MBD5: variants seen among roughly 807,000 people sequenced by gnomAD.
The protein encoded by MBD5 is methyl-CpG-binding domain protein 5.
MBD5 carries 13 observed loss-of-function variants against 117.3 expected under a neutral mutation model. The observed-to-expected ratio is 0.11, with a 90% CI of 0.07 to 0.18. The LOEUF (loss-of-function observed/expected upper bound fraction) is 0.18. Ranked by LOEUF, MBD5 falls within the 10% of genes least tolerant of loss-of-function variation. The pLI is 1.00. For missense variants in MBD5, 1,879 were observed against 2,093.8 expected, an observed-to-expected ratio of 0.90 and a Z score of 2.00; for synonymous variants, 727 against 766.4, an observed-to-expected ratio of 0.95 and a Z score of 0.85.
chr2:148,314,827 A>G (rs1389463102), intron 3 of MBD5, among the ~76,000 whole-genome samples: 1 of 152,126 alleles, frequency 6.6e-6, no homozygotes, highest in Non-Finnish European at 1.5e-5. Context: ...CAAGTTACCA[A>G]AACAGTTGGC....
chr2:148,211,873 G>A (rs1164406683), intron 2 of MBD5, among the ~76,000 whole-genome samples: 7 of 152,142 alleles, frequency 4.6e-5, no homozygotes, highest in African/African-American at 7.2e-5. Flanking sequence ...AGCCTCCCAA[G>A]TGGCTGCACT....
Position 148,468,501 on chromosome 2 carries a change from G to T in MBD5, c.558G>T (p.Leu186=), listed in dbSNP as rs1553518428. 6.2e-7 allele frequency: 1 copy of T among 1,613,822 alleles called. No individual in the cohort carries two copies. Residue 186 remains leucine (L), a synonymous_variant, in exon 8 of 14, where the codon CTG becomes CTT. Coordinates refer to ENST00000642680, the MANE Select transcript of MBD5 (RefSeq NM_001378120.1). ...TGGGAAGGCTATATGTACAAGAACT[G>T]CCTGGAAGCCAACAACAAGAACTCC... The part of the protein sequence containing the change: ...NAMGRLYVQE[L]PGSQQQELHP...
intron 1 of MBD5, among the ~76,000 whole-genome samples, chr2:148,129,539 C>CT (rs1271440078): frequency 1.3e-5 from 2 of 152,024 alleles, no homozygotes; most frequent in Admixed American, 6.6e-5. Flanking sequence ...CAGATATACT[C>CT]TATCTCTAAA....
chr2:148,468,423 A>G lies in MBD5; in HGVS notation c.480A>G (p.Val160=). The stretch of plus-strand genomic sequence containing the variant: ...CTCATGAAGGAATTACAAATTCTGT[A>G]ATGCCTGAATGTAAGAATCCTTTCA... ...NKSHEGITNS[V]MPECKNPFKL... is the part of the protein sequence containing the mutation. The change falls in exon 8 of 14, where the codon GTA becomes GTG. Residue 160 remains valine, a synonymous_variant. Transcript: ENST00000642680. The G allele has an allele frequency of 6.2e-7, 1 of 1,613,732 alleles. No homozygotes were observed. The highest frequency in any genetic ancestry group is 8.5e-7 in the Non-Finnish European group (1 of 1,179,772).
intron 3 of MBD5, among the ~76,000 whole-genome samples, chr2:148,267,487 C>A (rs923748334): frequency 6.6e-6 from 1 of 152,028 alleles, no homozygotes; most frequent in Non-Finnish European, 1.5e-5. Flanking sequence ...AACTTTTAAT[C>A]GAATCACATC....
intron 1 of MBD5, among the ~76,000 whole-genome samples, chr2:148,110,205 G>T (rs1295402367): frequency 1.3e-5 from 2 of 152,082 alleles, no homozygotes; most frequent in Admixed American, 6.6e-5. Context: ...ATTAAAAATG[G>T]TGACACTGAG....
chr2:148,430,412 T>C (rs970472824), intron 4 of MBD5, among the ~76,000 whole-genome samples: 2 of 152,178 alleles, frequency 1.3e-5, no homozygotes, highest in Non-Finnish European at 2.9e-5. Flanking sequence ...TTCAATTTCA[T>C]ATGTTGTTTT....
chr2:148,043,105 A>C (rs1694410170), intron 1 of MBD5, among the ~76,000 whole-genome samples: 1 of 152,012 alleles, frequency 6.6e-6, no homozygotes, highest in Non-Finnish European at 1.5e-5. Flanking sequence ...ATTGCAGACT[A>C]TTGGACTCCA....
intron 3 of MBD5, among the ~76,000 whole-genome samples, chr2:148,238,285 C>T (rs1174693240): frequency 6.6e-6 from 1 of 151,998 alleles, no homozygotes; most frequent in African/African-American, 2.4e-5. Flanking sequence ...AACATTATAC[C>T]AATGGTTATT....
chr2:148,320,407 T>TGACA (rs1165016825), intron 3 of MBD5, among the ~76,000 whole-genome samples: 1 of 152,122 alleles, frequency 6.6e-6, no homozygotes, highest in Non-Finnish European at 1.5e-5. Flanking sequence ...CAGGCTGGAG[T>TGACA]GACAGCCTGA....
At chr2:148,456,689 G>C (rs1706894175) in intron 4 of MBD5, among the ~76,000 whole-genome samples, 1 of 152,086 alleles carries the variant, frequency 6.6e-6, no homozygotes, top group African/African-American at 2.4e-5. Flanking sequence ...TCCAGCTTGA[G>C]ACCCCATTGG....
intron 4 of MBD5, among the ~76,000 whole-genome samples, chr2:148,362,308 A>G (rs929351015): frequency 6.6e-6 from 1 of 152,146 alleles, no homozygotes; most frequent in Non-Finnish European, 1.5e-5. Context: ...GGGGAGGGGC[A>G]TCCACCATTA....
At chr2:148,055,780 G>A (rs2105790321) in intron 1 of MBD5, 1 of 152,124 alleles carries the variant, frequency 6.6e-6, no homozygotes, top group East Asian at 1.9e-4. Flanking sequence ...TGTCTCCTTG[G>A]TCTTATAATT....
rs181049594 is a variant in MBD5 at position 148,152,906 on chromosome 2, C to G, written c.-924-25794C>G. On this transcript the variant is annotated intron_variant, in intron 1 of 13. Coordinates refer to ENST00000642680, the MANE Select transcript of MBD5 (RefSeq NM_001378120.1). Reference sequence around the variant, plus strand: ...GACTCTTTATCCAATTTGCCAGTCTCTGTCTTTTAATTGGAGCATTTAGTC... The same window carrying G: ...GACTCTTTATCCAATTTGCCAGTCTGTGTCTTTTAATTGGAGCATTTAGTC... 9.6e-3 allele frequency among the ~76,000 whole-genome samples: 1,453 copies of G among 151,784 alleles called. 18 individuals carry two copies. Among genetic ancestry groups the G allele is most frequent in the African/African-American group, 0.033 (1,343 of 41,294 alleles).
intron 4 of MBD5, among the ~76,000 whole-genome samples, chr2:148,408,035 C>A (rs1038783023): frequency 2.9e-5 from 4 of 138,688 alleles, no homozygotes; most frequent in African/African-American, 1.1e-4. Context: ...AGTTTATTAG[C>A]TGATTGGTTA....
intron 1 of MBD5, among the ~76,000 whole-genome samples, chr2:148,045,382 TA>T (rs2105715496): frequency 6.6e-6 from 1 of 152,344 alleles, no homozygotes; most frequent in South Asian, 2.1e-4. Context: ...CTTTAAAATA[TA>T]ACTTCTAAAG....
At chr2:148,299,740 A>T (rs1208125212) in intron 3 of MBD5, among the ~76,000 whole-genome samples, 1 of 152,190 alleles carries the variant, frequency 6.6e-6, no homozygotes, top group Non-Finnish European at 1.5e-5. Flanking sequence ...CAGAGTTAAC[A>T]AGTTTCTATT....
At chr2:148,067,242 T>C (rs1695226603) in intron 1 of MBD5, among the ~76,000 whole-genome samples, 1 of 152,206 alleles carries the variant, frequency 6.6e-6, no homozygotes. Flanking sequence ...ATATTAGACA[T>C]TGAAATGTCT....
chr2:148,356,618 T>C (rs916413043), intron 4 of MBD5, among the ~76,000 whole-genome samples: 1 of 152,204 alleles, frequency 6.6e-6, no homozygotes, highest in Admixed American at 6.5e-5. Flanking sequence ...AGTATTCTTC[T>C]TTGGTTATAT....
Sources: gnomAD v4.1 joint callset for allele counts (sites outside exome capture counted in the v4.1 genomes callset) on GRCh38, gnomAD v4.1.1 for gene constraint, MANE v1.5 for transcripts, NCBI Gene and HGNC (gene_info 2026-07-23, HGNC 2026-07-21) for gene names.